The following NTNG2 variants were observed in gnomAD, a reference collection of about 807,000 sequenced individuals.
NTNG2 encodes the protein netrin G2, also known as netrin-G2.
In NTNG2, 15 loss-of-function variants were observed where a neutral mutation model predicts 47.6. The observed-to-expected ratio is 0.32, with a 90% CI of 0.21 to 0.49. The LOEUF (loss-of-function observed/expected upper bound fraction) is 0.49. Among genes scored for constraint, NTNG2 ranks in the 20% least tolerant of loss-of-function variants. NTNG2 has a pLI of 0.99. For synonymous variants in NTNG2, 307 were observed against 324.6 expected, an observed-to-expected ratio of 0.95 and a Z score of 0.58; for missense variants, 578 against 764.6, an observed-to-expected ratio of 0.76 and a Z score of 2.88.
In NTNG2 at chr9:132,180,922, A is replaced by G. The variant is rs114352546; in HGVS notation, c.213+13878A>G. Among the ~76,000 whole-genome samples, 1,696 of 152,290 alleles carry G rather than the reference A, an allele frequency of 0.011. 29 individuals carry two copies. Among genetic ancestry groups the G allele is most frequent in the African/African-American group, 0.037 (1,557 of 41,560 alleles). ...GCACAGGCACACACACACACATATA[A>G]GGTTGCAAACACTTTCAGGGACTTC... On this transcript the variant is annotated intron_variant, in intron 2 of 7. Coordinates refer to ENST00000393229, the MANE Select transcript of NTNG2 (RefSeq NM_032536.4). This position sits in a 1 kb window ranked among gnomAD's most constrained non-coding sequence, Gnocchi z 4.2.
At chr9:132,224,275 T>C (rs1421704071) in intron 3 of NTNG2, among the ~76,000 whole-genome samples, 3 of 152,194 alleles carry the variant, frequency 2.0e-5, no homozygotes, top group African/African-American at 7.2e-5. Flanking sequence ...TTGGAGTATA[T>C]GTGTTACAAT....
intron 2 of NTNG2, among the ~76,000 whole-genome samples, chr9:132,176,506 C>T (rs757005449): frequency 7.9e-5 from 12 of 152,200 alleles, no homozygotes; most frequent in Non-Finnish European, 1.6e-4. Flanking sequence ...TCCACATTGT[C>T]GCATGACTCA....
intron 3 of NTNG2, among the ~76,000 whole-genome samples, chr9:132,211,318 G>A (rs1839571885): frequency 6.6e-6 from 1 of 152,172 alleles, no homozygotes; most frequent in Admixed American, 6.5e-5. Flanking sequence ...CCCTAGAAGA[G>A]AGGTGCAGGC....
intron 3 of NTNG2, among the ~76,000 whole-genome samples, chr9:132,202,949 C>T (rs960602554): frequency 6.6e-6 from 1 of 152,178 alleles, no homozygotes; most frequent in African/African-American, 2.4e-5. Context: ...ATAGTAATGA[C>T]TTCAGCTGCC....
chr9:132,181,322 CTTT>C (rs781556504), intron 2 of NTNG2, among the ~76,000 whole-genome samples: 3 of 130,628 alleles, frequency 2.3e-5, no homozygotes, highest in African/African-American at 2.8e-5. Context: ...GGCTCACTTT[CTTT>C]TTTTTTTTTT....
Position 132,206,810 on chromosome 9 carries a change from G to A in NTNG2, c.857+8201G>A, listed in dbSNP as rs59907898. The stretch of plus-strand genomic sequence containing the variant: ...GAGCTACTGCTTCCCACCAAAAAGC[G>A]GGCATGCACGATTCCAGACCACATC... On this transcript the variant is annotated intron_variant, in intron 3 of 7. Transcript: ENST00000393229. Among the ~76,000 whole-genome samples, 1,117 of 152,374 alleles carry A rather than the reference G, an allele frequency of 7.3e-3. 18 individuals carry two copies. Among genetic ancestry groups the A allele is most frequent in the African/African-American group, 0.025 (1,030 of 41,586 alleles).
intron 2 of NTNG2, among the ~76,000 whole-genome samples, chr9:132,193,471 T>C (rs1342748735): frequency 6.6e-6 from 1 of 151,988 alleles, no homozygotes; most frequent in East Asian, 1.9e-4. Context: ...GGACAGACAG[T>C]GGCCAAAGGA....
Position 132,206,405 on chromosome 9 carries a change from G to A in NTNG2, c.857+7796G>A, listed in dbSNP as rs138763531. ...CTCTTGGCCGGGCGTGGTGGCTCAC[G>A]CCTGTAATCCCAACACTTTGGGAGG... On this transcript the variant is annotated intron_variant, in intron 3 of 7. Transcript: ENST00000393229. 5.9e-5 allele frequency among the ~76,000 whole-genome samples: 9 copies of A among 152,224 alleles called. No homozygotes were observed. In the East Asian group the frequency reaches 9.7e-4, roughly 16 times the overall value.
At chr9:132,210,164 G>A (rs945943332) in intron 3 of NTNG2, among the ~76,000 whole-genome samples, 1 of 152,092 alleles carries the variant, frequency 6.6e-6, no homozygotes, top group South Asian at 2.1e-4. Flanking sequence ...CGGTGCCAGC[G>A]AGCAGCCTGC....
chr9:132,243,463 TG>T lies in NTNG2; in HGVS notation c.*1356del. On this transcript the variant is annotated 3_prime_UTR_variant, in exon 8 of 8. Coordinates refer to ENST00000393229, the MANE Select transcript of NTNG2 (RefSeq NM_032536.4). ...GCTCCTAGATTCGGGGCTCATCCCC[TG>T]GGGCCTCTGATTCAGAGGATCCAGC... The T allele has an allele frequency of 6.6e-6, 1 of 152,390 alleles. No homozygotes were observed. Among genetic ancestry groups the T allele is most frequent in the Non-Finnish European group, 1.5e-5 (1 of 68,096 alleles). 9.4% of individuals were successfully genotyped at this position (152,390 alleles called of 1,614,324 possible).
chr9:132,220,591 T>A (rs142277729), intron 3 of NTNG2, among the ~76,000 whole-genome samples: 2 of 152,038 alleles, frequency 1.3e-5, no homozygotes, highest in South Asian at 2.1e-4. Context: ...GTAGTTGGGA[T>A]TACAGGCACC....
chr9:132,171,439 G>C (rs1283556537), intron 2 of NTNG2, among the ~76,000 whole-genome samples: 1 of 152,200 alleles, frequency 6.6e-6, no homozygotes. Context: ...ATCTTGATAA[G>C]CTTGACATTT....
rs1345802062 is a variant in NTNG2, at chr9:132,162,763, G to A, written c.-484+524G>A. Among the ~76,000 whole-genome samples the A allele has an allele frequency of 2.0e-5, 3 of 151,930 alleles. No individual in the cohort carries two copies. The highest frequency in any genetic ancestry group is 7.3e-5 in the African/African-American group (3 of 41,370). ...CCTCCCATCTCTCTGCAAACTGGGA[G>A]CCTGTGAGTTGCACAGAGAAACTCC... On this transcript the variant is annotated intron_variant, in intron 1 of 7. Coordinates refer to ENST00000393229, the MANE Select transcript of NTNG2 (RefSeq NM_032536.4). The surrounding 1 kb of genome is among the most constrained non-coding windows in gnomAD (Gnocchi z 4.6).
In NTNG2 at chr9:132,231,042, C is replaced by T. The variant is rs895720095; in HGVS notation, c.1054+447C>T. Among the ~76,000 whole-genome samples the T allele has an allele frequency of 3.3e-5, 5 of 152,084 alleles. No individual in the cohort carries two copies. The highest frequency in any genetic ancestry group is 1.2e-4 in the African/African-American group (5 of 41,418). On this transcript the variant is annotated intron_variant, in intron 5 of 7. Transcript: ENST00000393229. This position sits in a 1 kb window ranked among gnomAD's most constrained non-coding sequence, Gnocchi z 4.1. ...ACCTTCCCCCACCAGGGGCAGAATC[C>T]ACCCCCTAGCCTAACCATGGGGGCA... is the stretch of plus-strand genomic sequence containing the variant.
chr9:132,201,934 A>G (rs762928212), intron 3 of NTNG2, among the ~76,000 whole-genome samples: 13 of 152,196 alleles, frequency 8.5e-5, no homozygotes, highest in Non-Finnish European at 1.9e-4. Flanking sequence ...GAAGCCAAGG[A>G]CTCTGAGGTC....
chr9:132,217,548 A>T (rs186301491), intron 3 of NTNG2, among the ~76,000 whole-genome samples: 1 of 152,316 alleles, frequency 6.6e-6, no homozygotes, highest in East Asian at 1.9e-4. Flanking sequence ...TAGTCATAGT[A>T]TACTCTGCAT....
intron 3 of NTNG2, among the ~76,000 whole-genome samples, chr9:132,217,203 C>T (rs1589500292): frequency 6.6e-6 from 1 of 152,222 alleles, no homozygotes; most frequent in African/African-American, 2.4e-5. Context: ...TAATGCATGG[C>T]GTCTGTCCAC....
intron 4 of NTNG2, among the ~76,000 whole-genome samples, chr9:132,227,923 T>A (rs893564714): frequency 2.6e-5 from 4 of 152,210 alleles, no homozygotes; most frequent in African/African-American, 4.8e-5. Context: ...ACGGCCGTTC[T>A]CAAGTGTGTG....
chr9:132,172,722 A>ATTT (rs35406789), intron 2 of NTNG2, among the ~76,000 whole-genome samples: 2,060 of 83,358 alleles, frequency 0.025, 127 homozygotes, highest in African/African-American at 0.084. Context: ...TCAGGGCTGT[A>ATTT]TTTTTTTTTT....
Sources: allele counts gnomAD v4.1 joint callset (sites outside exome capture counted in the v4.1 genomes callset), GRCh38; gene constraint gnomAD v4.1.1; non-coding constraint Gnocchi (gnomAD v3.1); transcripts MANE v1.5; gene names NCBI Gene and HGNC (gene_info 2026-07-23, HGNC 2026-07-21).